The following FBXL17 variants were observed in gnomAD, a reference collection of about 807,000 sequenced individuals.
The protein encoded by FBXL17 is F-box and leucine rich repeat protein 17.
A neutral mutation model predicts 66.2 loss-of-function variants in FBXL17; 22 were observed. The observed-to-expected ratio is 0.33, with a 90% CI of 0.24 to 0.47. The LOEUF (loss-of-function observed/expected upper bound fraction) is 0.47, where lower values mean the gene tolerates loss of function less well. FBXL17 is among the 20% of genes least tolerant of loss of function. The pLI is 1.00. For synonymous variants in FBXL17, 474 were observed against 400.5 expected, an observed-to-expected ratio of 1.18 and a Z score of -2.19; for missense variants, 878 against 948.2, an observed-to-expected ratio of 0.93 and a Z score of 0.97.
chr5:108,104,340 C>A (rs1749710712), intron 6 of FBXL17, among the ~76,000 whole-genome samples: 1 of 152,154 alleles, frequency 6.6e-6, no homozygotes, highest in Non-Finnish European at 1.5e-5. Context: ...CCCAGCCCTG[C>A]AAACAAATAT....
chr5:108,200,675 G>T (rs1753855035), intron 5 of FBXL17, among the ~76,000 whole-genome samples: 1 of 148,762 alleles, frequency 6.7e-6, no homozygotes, highest in African/African-American at 2.5e-5. Flanking sequence ...GAAAGTTCCA[G>T]TGGGAAGCTT....
intron 5 of FBXL17, among the ~76,000 whole-genome samples, chr5:108,206,951 A>G (rs1754146574): frequency 6.6e-6 from 1 of 152,192 alleles, no homozygotes; most frequent in South Asian, 2.1e-4. Flanking sequence ...AGTGTTTACC[A>G]AAGTAAACAC....
At chr5:108,267,636 T>C (rs140232000) in intron 4 of FBXL17, among the ~76,000 whole-genome samples, 22 of 152,192 alleles carry the variant, frequency 1.4e-4, no homozygotes, top group African/African-American at 5.1e-4. Flanking sequence ...GCAGGCACTA[T>C]GCTGAAGTAA....
At position 107,859,258 on chromosome 5, in the gene FBXL17, T is replaced by C. The variant is rs757818291; in HGVS notation, c.*2462A>G. 4 of 152,076 alleles carry C rather than the reference T, an allele frequency of 2.6e-5. No individual in the cohort carries two copies. Among genetic ancestry groups the C allele is most frequent in the African/African-American group, 9.7e-5 (4 of 41,420 alleles). 9.4% of individuals were successfully genotyped at this position (152,076 alleles called of 1,614,324 possible). A position where few individuals can be genotyped will look rare whatever the true frequency, so the allele number is the denominator to read the frequency against. ...CATTAAACGTGTTCACATGTATTTATGACATTCTAAGCAAAAAAAAGAAAC... is the reference window on the plus strand; with the variant it reads ...CATTAAACGTGTTCACATGTATTTACGACATTCTAAGCAAAAAAAAGAAAC... On this transcript the variant is annotated 3_prime_UTR_variant, in exon 9 of 9. Transcript: ENST00000542267.
intron 1 of FBXL17, among the ~76,000 whole-genome samples, chr5:108,376,355 A>G (rs1353798634): frequency 1.3e-5 from 2 of 152,228 alleles, no homozygotes; most frequent in Non-Finnish European, 2.9e-5. Context: ...CACAGATGTC[A>G]TGGTCTTATA....
intron 6 of FBXL17, among the ~76,000 whole-genome samples, chr5:108,162,950 A>G (rs1752270105): frequency 6.6e-6 from 1 of 152,184 alleles, no homozygotes; most frequent in Non-Finnish European, 1.5e-5. Context: ...TGATTCAACT[A>G]TGTATCACCA....
At chr5:108,160,304 T>C (rs902720039) in intron 6 of FBXL17, among the ~76,000 whole-genome samples, 4 of 152,240 alleles carry the variant, frequency 2.6e-5, no homozygotes, top group Non-Finnish European at 5.9e-5. Flanking sequence ...TACACACTGA[T>C]GAACAGCATT....
intron 7 of FBXL17, among the ~76,000 whole-genome samples, chr5:107,898,855 T>A (rs1305100119): frequency 1.3e-5 from 2 of 152,190 alleles, no homozygotes; most frequent in African/African-American, 2.4e-5. Flanking sequence ...ACATTTTCTT[T>A]ATCCAGTCTA....
intron 4 of FBXL17, among the ~76,000 whole-genome samples, chr5:108,300,882 T>C (rs985442741): frequency 6.6e-6 from 1 of 151,694 alleles, no homozygotes; most frequent in Non-Finnish European, 1.5e-5. Context: ...TGAAAGATCA[T>C]AGTAAAATAA....
chr5:108,059,773 C>T (rs998887024), intron 6 of FBXL17, among the ~76,000 whole-genome samples: 1 of 152,002 alleles, frequency 6.6e-6, no homozygotes, highest in Non-Finnish European at 1.5e-5. Context: ...TGCTAATACA[C>T]GTACAATTTT....
intron 6 of FBXL17, among the ~76,000 whole-genome samples, chr5:108,039,071 C>T (rs867554017): frequency 2.4e-4 from 36 of 152,036 alleles, no homozygotes; most frequent in African/African-American, 8.2e-4. Flanking sequence ...TGCTTTACCT[C>T]TTTAAATGAA....
intron 5 of FBXL17, among the ~76,000 whole-genome samples, chr5:108,190,353 C>G (rs1475983300): frequency 6.6e-6 from 1 of 152,078 alleles, no homozygotes; most frequent in African/African-American, 2.4e-5. Context: ...TGTGGCCACT[C>G]TTGTCAGAAG....
rs531734327 is a variant in FBXL17, at chr5:108,243,951, T to C, written c.1507-19723A>G. Among the ~76,000 whole-genome samples, 158 of 152,164 alleles carry C rather than the reference T, an allele frequency of 1.0e-3. 1 individual carries two copies. The highest frequency in any genetic ancestry group is 6.5e-4 in the Non-Finnish European group (44 of 67,996). ...AGCTCTGAGCAGTGGCAGAGCTAGTTAGTATTTCAAAAGGCATGCTAAAAT... is the reference window on the plus strand; with the variant it reads ...AGCTCTGAGCAGTGGCAGAGCTAGTCAGTATTTCAAAAGGCATGCTAAAAT... On this transcript the variant is annotated intron_variant, in intron 4 of 8. Transcript: ENST00000542267.
chr5:108,120,124 G>C (rs977618426), intron 6 of FBXL17, among the ~76,000 whole-genome samples: 2 of 152,190 alleles, frequency 1.3e-5, no homozygotes, highest in Non-Finnish European at 2.9e-5. Context: ...ATGTGACTTA[G>C]AGGAAAACAA....
At chr5:108,147,665 T>C (rs1389831723) in intron 6 of FBXL17, among the ~76,000 whole-genome samples, 1 of 152,134 alleles carries the variant, frequency 6.6e-6, no homozygotes, top group Non-Finnish European at 1.5e-5. Context: ...GCTAAGAATG[T>C]TGACAAATGA....
At chr5:108,343,895 T>C (rs1747070315) in intron 4 of FBXL17, among the ~76,000 whole-genome samples, 1 of 152,096 alleles carries the variant, frequency 6.6e-6, no homozygotes, top group Non-Finnish European at 1.5e-5. Context: ...CCTCTCCTGA[T>C]AGGAGAGGAA....
intron 5 of FBXL17, among the ~76,000 whole-genome samples, chr5:108,194,173 A>T (rs1580592083): frequency 6.6e-6 from 1 of 152,228 alleles, no homozygotes; most frequent in East Asian, 1.9e-4. Context: ...TGTTAAGCCA[A>T]CTGGGATCTC....
intron 6 of FBXL17, among the ~76,000 whole-genome samples, chr5:108,183,656 T>G (rs1394120208): frequency 6.6e-6 from 1 of 152,144 alleles, no homozygotes; most frequent in Non-Finnish European, 1.5e-5. Flanking sequence ...AGGATTTTGG[T>G]GCGCCCATCC....
At chr5:108,066,009 T>C (rs1748103036) in intron 6 of FBXL17, among the ~76,000 whole-genome samples, 1 of 152,066 alleles carries the variant, frequency 6.6e-6, no homozygotes, top group African/African-American at 2.4e-5. Context: ...TAGGGGACTA[T>C]CGAAGGTTAG....
Sources: allele counts gnomAD v4.1 joint callset (sites outside exome capture counted in the v4.1 genomes callset), GRCh38; gene constraint gnomAD v4.1.1; transcripts MANE v1.5; gene names NCBI Gene and HGNC (gene_info 2026-07-23, HGNC 2026-07-21).